DLC1: variants seen among roughly 807,000 people sequenced by gnomAD.
DLC1 encodes the protein rho GTPase-activating protein 7.
A neutral mutation model predicts 140.3 loss-of-function variants in DLC1; 54 were observed. The ratio of observed to expected loss-of-function variants is 0.38; its 90% confidence interval spans 0.31 to 0.48. The LOEUF (loss-of-function observed/expected upper bound fraction) is 0.48, where lower values mean the gene tolerates loss of function less well. DLC1 is among the 20% of genes least tolerant of loss of function. DLC1 has a pLI of 0.96. For missense variants in DLC1, 2,536 were observed against 1,907.0 expected, an observed-to-expected ratio of 1.33 and a Z score of -6.14; for synonymous variants, 986 against 728.1, an observed-to-expected ratio of 1.35 and a Z score of -5.70.
intron 1 of DLC1, among the ~76,000 whole-genome samples, chr8:13,547,105 A>G (rs1803678256): frequency 6.6e-6 from 1 of 152,094 alleles, no homozygotes; most frequent in South Asian, 2.1e-4. Context: ...TTCACACTAT[A>G]TGATGGAAAG....
At chr8:13,152,110 A>G (rs1455334182) in intron 5 of DLC1, among the ~76,000 whole-genome samples, 2 of 152,208 alleles carry the variant, frequency 1.3e-5, no homozygotes, top group Non-Finnish European at 2.9e-5. Context: ...GGTTGCTTTG[A>G]GTGCACAACT....
At chr8:13,135,375 G>A (rs1822486387) in intron 5 of DLC1, among the ~76,000 whole-genome samples, 1 of 151,928 alleles carries the variant, frequency 6.6e-6, no homozygotes, top group African/African-American at 2.4e-5. Context: ...TAGAGACAGG[G>A]TTTCACTGTG....
chr8:13,467,142 A>G (rs905042306), intron 2 of DLC1, among the ~76,000 whole-genome samples: 6 of 152,198 alleles, frequency 3.9e-5, no homozygotes, highest in Admixed American at 1.3e-4. Context: ...GAAAATGACA[A>G]TCTTAAAAAT....
chr8:13,508,395 T>G (rs1802202848), intron 1 of DLC1, among the ~76,000 whole-genome samples: 1 of 151,680 alleles, frequency 6.6e-6, no homozygotes, highest in Non-Finnish European at 1.5e-5. Context: ...GGGACAATAT[T>G]GCTTTATGGA....
chr8:13,600,969 T>C lies in DLC1; in HGVS notation c.-126+3568A>G, dbSNP rs551002153. On this transcript the variant is annotated intron_variant, in intron 1 of 1. Transcript: ENST00000631382. ...TTTTCCCAATTTAATTTATATTTTATTATTTGTTTATTCAGTACTTCTTAA... is the reference window on the plus strand; with the variant it reads ...TTTTCCCAATTTAATTTATATTTTACTATTTGTTTATTCAGTACTTCTTAA... Among the ~76,000 whole-genome samples, 7 of 152,002 alleles carry C rather than the reference T, an allele frequency of 4.6e-5. No individual in the cohort carries two copies. The South Asian group carries it at 1.4e-3, about 31-fold the overall frequency.
chr8:13,524,100 C>A (rs1395437489), intron 1 of DLC1, among the ~76,000 whole-genome samples: 1 of 134,464 alleles, frequency 7.4e-6, no homozygotes, highest in Non-Finnish European at 1.6e-5. Flanking sequence ...CAGTTGTTAT[C>A]TATTCTATTT....
At chr8:13,534,804 T>C (rs777895276) in intron 1 of DLC1, among the ~76,000 whole-genome samples, 1 of 152,154 alleles carries the variant, frequency 6.6e-6, no homozygotes, top group Non-Finnish European at 1.5e-5. Flanking sequence ...GAGCTTGCTT[T>C]ACATTTTTTA....
chr8:13,085,784 G>A lies in DLC1; in HGVS notation c.*27C>T, dbSNP rs1442622310. On this transcript the variant is annotated 3_prime_UTR_variant, in exon 18 of 18. Transcript: ENST00000276297. ...AGTTCTAGAAACAAACACCATGGTG[G>A]TGGAAGCGGTTGCGTTGCTTCAGTG... 1.2e-6 allele frequency: 2 copies of A among 1,613,880 alleles called. No homozygotes were observed. The highest frequency in any genetic ancestry group is 1.7e-6 in the Non-Finnish European group (2 of 1,179,868).
chr8:13,464,546 A>G (rs1307604148), intron 2 of DLC1, among the ~76,000 whole-genome samples: 1 of 151,850 alleles, frequency 6.6e-6, no homozygotes, highest in Non-Finnish European at 1.5e-5. Context: ...ATATATGTAA[A>G]TTATAACCCA....
At chr8:13,286,657 A>G (rs1468855441) in intron 5 of DLC1, among the ~76,000 whole-genome samples, 2 of 151,966 alleles carry the variant, frequency 1.3e-5, no homozygotes, top group Non-Finnish European at 2.9e-5. Flanking sequence ...GCAGCAAAAG[A>G]ATGTAAATTT....
chr8:13,347,137 C>G (rs1834377646), intron 4 of DLC1, among the ~76,000 whole-genome samples: 1 of 152,090 alleles, frequency 6.6e-6, no homozygotes, highest in Non-Finnish European at 1.5e-5. Flanking sequence ...TTTCAGGCAC[C>G]CACTGTGGGT....
At chr8:13,567,450 A>G (rs1219997615) in intron 1 of DLC1, 2 of 1,551,988 alleles carry the variant, frequency 1.3e-6, no homozygotes, top group Non-Finnish European at 1.7e-6. Flanking sequence ...TGCATCTTGG[A>G]TTGGATGTAG....
At chr8:13,404,217 T>C (rs188474285) in intron 2 of DLC1, among the ~76,000 whole-genome samples, 293 of 152,232 alleles carry the variant, frequency 1.9e-3, no homozygotes, top group African/African-American at 6.5e-3. Context: ...TGGGCTATGG[T>C]ATGTTGGTAA....
At chr8:13,508,728 A>G (rs1005090651) in intron 1 of DLC1, among the ~76,000 whole-genome samples, 17 of 151,986 alleles carry the variant, frequency 1.1e-4, no homozygotes, top group Admixed American at 8.5e-4. Flanking sequence ...AGATGTAGTA[A>G]TTTCTAAGTA....
chr8:13,268,519 G>C (rs930321519), intron 5 of DLC1, among the ~76,000 whole-genome samples: 2 of 152,052 alleles, frequency 1.3e-5, no homozygotes, highest in African/African-American at 4.8e-5. Context: ...CGAGTATTTG[G>C]GGCTACAGGT....
At chr8:13,319,293 C>T (rs555872852) in intron 4 of DLC1, among the ~76,000 whole-genome samples, 4 of 152,176 alleles carry the variant, frequency 2.6e-5, no homozygotes, top group Admixed American at 2.6e-4. Context: ...CCCATTTTCG[C>T]CTCCGTTCCC....
At chr8:13,524,022 GTGAAAA>G (rs1232642770) in intron 1 of DLC1, among the ~76,000 whole-genome samples, 1 of 151,630 alleles carries the variant, frequency 6.6e-6, no homozygotes, top group African/African-American at 2.4e-5. Context: ...TGTGACGCAT[GTGAAAA>G]TGTCAGTGGA....
intron 1 of DLC1, among the ~76,000 whole-genome samples, chr8:13,602,380 T>A (rs1230546849): frequency 6.6e-6 from 1 of 151,820 alleles, no homozygotes; most frequent in African/African-American, 2.4e-5. Flanking sequence ...ATCCACTTAC[T>A]ATTTTTATGA....
chr8:13,474,528 G>C (rs1393094451), intron 2 of DLC1, among the ~76,000 whole-genome samples: 2 of 152,156 alleles, frequency 1.3e-5, no homozygotes, highest in Non-Finnish European at 2.9e-5. Context: ...CCCCAGAATG[G>C]TAGATCCACC....
Sources: gnomAD v4.1 joint callset for allele counts (sites outside exome capture counted in the v4.1 genomes callset) on GRCh38, gnomAD v4.1.1 for gene constraint, MANE v1.5 for transcripts, NCBI Gene and HGNC (gene_info 2026-07-23, HGNC 2026-07-21) for gene names.